The following TBC1D16 variants were observed in gnomAD, a reference collection of about 807,000 sequenced individuals.
TBC1D16 encodes CTD-2529O21.1.
In TBC1D16, 58 loss-of-function variants were observed where a neutral mutation model predicts 74.7. That is an observed-to-expected ratio of 0.78 (90% CI 0.63 to 0.97). The LOEUF (loss-of-function observed/expected upper bound fraction) is 0.97, where lower values mean the gene tolerates loss of function less well. TBC1D16 is among the 50% of genes least tolerant of loss of function. The pLI is 0.00. For synonymous variants in TBC1D16, 493 were observed against 474.7 expected (o/e 1.04, Z -0.50); for missense variants, 1,014 against 1,079.5 (o/e 0.94, Z 0.85).
At chr17:79,974,325 G>A (rs927644414) in intron 3 of TBC1D16, among the ~76,000 whole-genome samples, 4 of 151,962 alleles carry the variant, frequency 2.6e-5, no homozygotes, top group Admixed American at 6.6e-5. Flanking sequence ...TGCAACTTCC[G>A]CCTCCCGGGT....
chr17:79,947,435 C>G (rs1289065153), intron 9 of TBC1D16, among the ~76,000 whole-genome samples: 2 of 152,188 alleles, frequency 1.3e-5, no homozygotes, highest in African/African-American at 4.8e-5. Context: ...AACGCGGCCT[C>G]TGGACCTGCA....
At chr17:80,002,027 G>C (rs922206340) in intron 3 of TBC1D16, among the ~76,000 whole-genome samples, 1 of 152,146 alleles carries the variant, frequency 6.6e-6, no homozygotes, top group Non-Finnish European at 1.5e-5. Flanking sequence ...ATCCTCCTCG[G>C]GCTTGCCTGG....
chr17:79,998,061 G>T (rs191505232), intron 3 of TBC1D16, among the ~76,000 whole-genome samples: 111 of 148,750 alleles, frequency 7.5e-4, no homozygotes, highest in Admixed American at 7.4e-3. Context: ...GGAGGTGGAG[G>T]TTGCAGTGAG....
rs948005049 is a variant in TBC1D16, at chr17:79,956,248, TTTTG to T, written c.780-3434_780-3431del. 3.4e-4 allele frequency among the ~76,000 whole-genome samples: 51 copies of T among 152,060 alleles called. No individual in the cohort carries two copies. The highest frequency in any genetic ancestry group is 2.1e-4 in the South Asian group (1 of 4,828). The stretch of plus-strand genomic sequence containing the variant: ...AAGGTCTGTGAGCAAAGAAGCGGTT[TTTTG>T]TTTGTTTGTTTGTTTTTTAAAGACA... On this transcript the variant is annotated intron_variant, in intron 3 of 11. Transcript: ENST00000310924. This position sits in a 1 kb window ranked among gnomAD's most constrained non-coding sequence, Gnocchi z 4.0.
rs2031499360 is a variant in TBC1D16 at position 79,935,086 on chromosome 17, T to C, written c.*5773A>G. ...CCTAGGAAGGTCAAATTCACCTTGT[T>C]TGCCTCCTTAAAAATTCACAAATGC... is the stretch of plus-strand genomic sequence containing the variant. On this transcript the variant is annotated 3_prime_UTR_variant, in exon 12 of 12. Transcript: ENST00000310924. 1 of 152,288 alleles carries C rather than the reference T, an allele frequency of 6.6e-6. No individual in the cohort carries two copies. Among genetic ancestry groups the C allele is most frequent in the Non-Finnish European group, 1.5e-5 (1 of 68,066 alleles). 9.4% of individuals were successfully genotyped at this position (152,288 alleles called of 1,614,324 possible). A position where few individuals can be genotyped will look rare whatever the true frequency, so the allele number is the denominator to read the frequency against.
intron 3 of TBC1D16, among the ~76,000 whole-genome samples, chr17:79,962,052 C>T (rs1408777528): frequency 1.3e-5 from 2 of 152,012 alleles, no homozygotes; most frequent in Admixed American, 6.6e-5. Context: ...GGACAAAAAA[C>T]AAGCACATAC....
At chr17:80,019,060 A>G (rs1357710769) in intron 1 of TBC1D16, among the ~76,000 whole-genome samples, 1 of 150,094 alleles carries the variant, frequency 6.7e-6, no homozygotes, top group Admixed American at 6.6e-5. Context: ...TGTGTTTCAA[A>G]TGGCTCTACT....
rs557107784 is a variant in TBC1D16 at position 79,972,280 on chromosome 17, G to A, written c.780-19462C>T. On this transcript the variant is annotated intron_variant, in intron 3 of 11. Coordinates refer to ENST00000310924, the MANE Select transcript of TBC1D16 (RefSeq NM_019020.4). ...CAACCTCCGCCTCCCGGATTCAAGC[G>A]ATTCTCCTGCTTCAGCCTCCTGAGT... is the stretch of plus-strand genomic sequence containing the variant. Among the ~76,000 whole-genome samples the A allele has an allele frequency of 2.0e-5, 3 of 152,236 alleles. No homozygotes were observed. The South Asian group carries it at 6.2e-4, about 32-fold the overall frequency.
At position 79,947,667 on chromosome 17, in the gene TBC1D16, T is replaced by C. The variant is rs756698303; in HGVS notation, c.1706A>G (p.Asp569Gly). Residue 569 changes from aspartate to glycine, a missense_variant, in exon 9 of 12, where the codon GAC (aspartate) becomes GGC (glycine). Coordinates refer to ENST00000310924, the MANE Select transcript of TBC1D16 (RefSeq NM_019020.4). Reference protein sequence around the residue: ...QNTIFVSSPRDEDMEKQLLYL... With the variant: ...QNTIFVSSPRGEDMEKQLLYL... ...CACCAGTTGTTTCTCCATGTCCTCG[T>C]CCCGGGGTGAGCTGACGAAGATCGT... The C allele has an allele frequency of 6.2e-7, 1 of 1,614,040 alleles. No individual in the cohort carries two copies. The highest frequency in any genetic ancestry group is 8.5e-7 in the Non-Finnish European group (1 of 1,180,002).
intron 3 of TBC1D16, among the ~76,000 whole-genome samples, chr17:79,977,848 T>C (rs746468959): frequency 2.6e-5 from 4 of 152,204 alleles, no homozygotes; most frequent in Non-Finnish European, 5.9e-5. Context: ...CAGCCGGCTG[T>C]GCACGGGAGG....
At chr17:79,978,586 G>A (rs950317074) in intron 3 of TBC1D16, among the ~76,000 whole-genome samples, 5 of 152,134 alleles carry the variant, frequency 3.3e-5, no homozygotes, top group African/African-American at 1.2e-4. Flanking sequence ...GATTTCCCAG[G>A]GAAATTAAGA....
intron 3 of TBC1D16, among the ~76,000 whole-genome samples, chr17:79,957,243 GTCCCCCA>G (rs2033380033): frequency 1.3e-5 from 2 of 152,174 alleles, no homozygotes. Flanking sequence ...CCCTTTGGTG[GTCCCCCA>G]TAATTGCCAA....
chr17:79,949,978 C>T, intron 6 of TBC1D16, 113 bp from the exon 7 acceptor site: 2 of 1,289,514 alleles, frequency 1.6e-6, no homozygotes, highest in South Asian at 3.0e-5. Context: ...ATTCAGATCT[C>T]TGCAATTTGC....
At chr17:79,989,334 T>C (rs2034973317) in intron 3 of TBC1D16, among the ~76,000 whole-genome samples, 1 of 152,232 alleles carries the variant, frequency 6.6e-6, no homozygotes, top group African/African-American at 2.4e-5. Flanking sequence ...CCCCTCTCAC[T>C]GGTGGTTGGT....
At position 80,016,290 on chromosome 17, in the gene TBC1D16, G is replaced by C. The variant is rs548852725; in HGVS notation, c.-62-2681C>G. Among the ~76,000 whole-genome samples, 92 of 152,132 alleles carry C rather than the reference G, an allele frequency of 6.0e-4. 1 individual carries two copies. The Middle Eastern group carries it at 0.017, about 28-fold the overall frequency. On this transcript the variant is annotated intron_variant, in intron 1 of 11. Transcript: ENST00000310924. ...GGGGAATAGGGAGGTCATGTTTAAG[G>C]GGGACAGAGCTTCAGCTTGGGAGGA...
In TBC1D16 at chr17:79,940,887, G is replaced by A. The variant is rs374603858; in HGVS notation, c.2276C>T (p.Pro759Leu). 51 of 1,568,706 alleles carry A rather than the reference G, an allele frequency of 3.3e-5. No individual in the cohort carries two copies. In the African/African-American group the frequency reaches 4.6e-4, roughly 14 times the overall value. ...TCTGCGGAAGCCGAAGCCGTCCTGC[G>A]GCGTCTTTGGGCCCTTCTTGCCTTC... The part of the protein sequence containing the change: ...LREGKKGPKT[P>L]QDGFGFRR The change falls in exon 12 of 12, where the codon CCG becomes CTG. Residue 759 changes from proline (P) to leucine (L), a missense_variant. Transcript: ENST00000310924. This position sits in a 1 kb window ranked among gnomAD's most constrained non-coding sequence, Gnocchi z 5.4.
In TBC1D16 at chr17:79,950,415, C is replaced by T. The variant is rs758918595; in HGVS notation, c.1253G>A (p.Arg418Gln). ...CTGGGCGGACCCGGACCTCACCTTC[C>T]GCAGCTTGTACTCCTCCTCCACCTG... ...LGQVEEEYKL[R>Q]KAIFFGGIDV... Residue 418 changes from arginine (R) to glutamine (Q), a missense_variant, in exon 6 of 12, where the codon CGG (arginine) becomes CAG (glutamine). By Grantham distance (43) the Arg-to-Gln change is conservative. Coordinates refer to ENST00000310924, the MANE Select transcript of TBC1D16 (RefSeq NM_019020.4). This position sits in a 1 kb window ranked among gnomAD's most constrained non-coding sequence, Gnocchi z 4.6. The T allele has an allele frequency of 4.4e-6, 7 of 1,607,744 alleles. No individual in the cohort carries two copies. The East Asian group carries it at 1.6e-4, about 36-fold the overall frequency.
At chr17:80,032,266 C>T (rs1210853331) in intron 1 of TBC1D16, among the ~76,000 whole-genome samples, 3 of 152,210 alleles carry the variant, frequency 2.0e-5, no homozygotes, top group Admixed American at 1.3e-4. Flanking sequence ...TACAGGCAAG[C>T]AGACACATGT....
Position 79,987,254 on chromosome 17 carries a change from T to G in TBC1D16, c.779+22906A>C, listed in dbSNP as rs2034877821. On this transcript the variant is annotated intron_variant, in intron 3 of 11. Coordinates refer to ENST00000310924, the MANE Select transcript of TBC1D16 (RefSeq NM_019020.4). This position sits in a 1 kb window ranked among gnomAD's most constrained non-coding sequence, Gnocchi z 5.2. ...CTTTAAGGAATTTTTTTTTTACTTT[T>G]TTTTCAGACTGGGTCTTGCTCTGTC... is the stretch of plus-strand genomic sequence containing the variant. 6.6e-6 allele frequency among the ~76,000 whole-genome samples: 1 copy of G among 151,910 alleles called. No homozygotes were observed. Among genetic ancestry groups the G allele is most frequent in the Non-Finnish European group, 1.5e-5 (1 of 67,974 alleles).
Sources: gnomAD v4.1 joint callset for allele counts (sites outside exome capture counted in the v4.1 genomes callset) on GRCh38, gnomAD v4.1.1 for gene constraint, Gnocchi (gnomAD v3.1) non-coding constraint, MANE v1.5 for transcripts, NCBI Gene and HGNC (gene_info 2026-07-23, HGNC 2026-07-21) for gene names.